Variants in DOK6 observed in about 807,000 individuals in gnomAD.
The protein encoded by DOK6 is docking protein 6, also known as downstream of tyrosine kinase 6.
In DOK6, 22 loss-of-function variants were observed where a neutral mutation model predicts 44.0. The observed-to-expected ratio is 0.50, with a 90% CI of 0.36 to 0.71. DOK6 has a LOEUF of 0.71. Ranked by LOEUF, DOK6 falls within the 30% of genes least tolerant of loss-of-function variation. The pLI is 0.00. For missense variants in DOK6, 340 were observed against 416.4 expected (o/e 0.82, Z 1.60); for synonymous variants, 166 against 145.5 (o/e 1.14, Z -1.01).
chr18:69,591,129 C>T (rs1262940210), intron 2 of DOK6, among the ~76,000 whole-genome samples: 1 of 152,136 alleles, frequency 6.6e-6, no homozygotes. Flanking sequence ...CACAAATAAA[C>T]ATGCCAATTT....
intron 1 of DOK6, among the ~76,000 whole-genome samples, chr18:69,500,516 T>G (rs886521298): frequency 6.6e-6 from 1 of 152,066 alleles, no homozygotes; most frequent in Non-Finnish European, 1.5e-5. Flanking sequence ...GAATATAATC[T>G]CCATGAAAAC....
intron 1 of DOK6, among the ~76,000 whole-genome samples, chr18:69,493,733 A>G (rs1322201775): frequency 1.3e-5 from 2 of 152,222 alleles, no homozygotes; most frequent in African/African-American, 2.4e-5. Context: ...TTTACAAATA[A>G]TAGAAAATTA....
chr18:69,683,220 T>C (rs1003929542), intron 4 of DOK6, among the ~76,000 whole-genome samples: 1 of 151,844 alleles, frequency 6.6e-6, no homozygotes, highest in African/African-American at 2.4e-5. Flanking sequence ...ACGCCATTCA[T>C]ATGCTCTAGT....
intron 1 of DOK6, among the ~76,000 whole-genome samples, chr18:69,407,639 A>T (rs968683330): frequency 1.3e-5 from 2 of 152,224 alleles, no homozygotes; most frequent in Non-Finnish European, 1.5e-5. Context: ...CTATTACTCA[A>T]TGAGAATATT....
intron 1 of DOK6, among the ~76,000 whole-genome samples, chr18:69,518,722 C>A (rs1211995578): frequency 2.0e-5 from 3 of 151,980 alleles, no homozygotes; most frequent in Non-Finnish European, 2.9e-5. Context: ...AAAGAAAAAT[C>A]TTTAAAAACA....
At chr18:69,757,908 A>C (rs995831598) in intron 7 of DOK6, 35 bp downstream of exon 7, 15 of 1,554,470 alleles carry the variant, frequency 9.6e-6, no homozygotes, top group African/African-American at 1.4e-5. Flanking sequence ...CAGTGCCTCC[A>C]TAAGCTTCCT....
At chr18:69,643,329 C>T (rs765207849) in intron 3 of DOK6, among the ~76,000 whole-genome samples, 11 of 152,154 alleles carry the variant, frequency 7.2e-5, no homozygotes, top group Admixed American at 2.6e-4. Context: ...TTTTTATCAC[C>T]TGGTCCGTTT....
intron 3 of DOK6, among the ~76,000 whole-genome samples, chr18:69,672,707 A>AGGG (rs577008877): frequency 4.1e-4 from 30 of 73,696 alleles, no homozygotes; most frequent in South Asian, 8.5e-4. Context: ...AAAAAAAAAA[A>AGGG]GGGGGGGGTG....
At chr18:69,475,323 G>A (rs1421531125) in intron 1 of DOK6, among the ~76,000 whole-genome samples, 2 of 152,164 alleles carry the variant, frequency 1.3e-5, no homozygotes, top group East Asian at 3.9e-4. Flanking sequence ...CAGTAACACT[G>A]AGTATTAGGA....
At chr18:69,644,393 A>T (rs1375991985) in intron 3 of DOK6, among the ~76,000 whole-genome samples, 1 of 151,856 alleles carries the variant, frequency 6.6e-6, no homozygotes, top group African/African-American at 2.4e-5. Context: ...ACAGTTTTTC[A>T]TTTTGCTCTT....
rs554060794 is a variant in DOK6 at position 69,814,339 on chromosome 18, G to A, written c.857-26905G>A. On this transcript the variant is annotated intron_variant, in intron 7 of 7. Coordinates refer to ENST00000382713, the MANE Select transcript of DOK6 (RefSeq NM_152721.6). ...TCAGGCTATGTTGGCCCTGAGTGAG[G>A]TGAGGGAGGCAAAGTGTGTTGCCAT... Among the ~76,000 whole-genome samples the A allele has an allele frequency of 2.6e-5, 4 of 152,256 alleles. No individual in the cohort carries two copies. In the South Asian group the frequency reaches 8.3e-4, roughly 32 times the overall value.
chr18:69,515,581 C>T (rs12969275), intron 1 of DOK6, among the ~76,000 whole-genome samples: 56,054 of 151,920 alleles, frequency 0.37, 10,890 homozygotes, highest in South Asian at 0.45. Context: ...TGCTACAGCT[C>T]AGAAGAAACA....
intron 1 of DOK6, among the ~76,000 whole-genome samples, chr18:69,463,995 A>G (rs1979859422): frequency 6.6e-6 from 1 of 152,118 alleles, no homozygotes; most frequent in African/African-American, 2.4e-5. Flanking sequence ...TGTTACTTAA[A>G]TTGCTCCCTC....
At chr18:69,557,805 A>G (rs1310009766) in intron 1 of DOK6, among the ~76,000 whole-genome samples, 2 of 152,158 alleles carry the variant, frequency 1.3e-5, no homozygotes, top group African/African-American at 4.8e-5. Context: ...AAGGAATGTC[A>G]TCTGCCGTAA....
chr18:69,428,767 A>G (rs1316253800), intron 1 of DOK6, among the ~76,000 whole-genome samples: 1 of 152,224 alleles, frequency 6.6e-6, no homozygotes, highest in African/African-American at 2.4e-5. Context: ...ATAAACTCTA[A>G]TAAATTTTTA....
chr18:69,527,250 G>T (rs1460249611), intron 1 of DOK6, among the ~76,000 whole-genome samples: 1 of 152,116 alleles, frequency 6.6e-6, no homozygotes, highest in Non-Finnish European at 1.5e-5. Flanking sequence ...ATGTGTATTA[G>T]TCCATTATCA....
chr18:69,756,755 G>A (rs189321515), intron 6 of DOK6, among the ~76,000 whole-genome samples: 15 of 152,262 alleles, frequency 9.9e-5, no homozygotes, highest in African/African-American at 1.4e-4. Context: ...CAGGTGCACC[G>A]TGGGAGGTAC....
intron 1 of DOK6, among the ~76,000 whole-genome samples, chr18:69,503,088 T>C (rs545836044): frequency 1.3e-5 from 2 of 152,262 alleles, no homozygotes; most frequent in South Asian, 2.1e-4. Flanking sequence ...GAAATATCCT[T>C]GCATTTTCAA....
intron 1 of DOK6, among the ~76,000 whole-genome samples, chr18:69,446,556 C>A (rs189820351): frequency 1.7e-3 from 254 of 152,134 alleles, no homozygotes; most frequent in African/African-American, 5.5e-3. Flanking sequence ...ATTTATAATC[C>A]TTTGGGTATA....
Sources: allele counts gnomAD v4.1 joint callset (sites outside exome capture counted in the v4.1 genomes callset), GRCh38; gene constraint gnomAD v4.1.1; transcripts MANE v1.5; gene names NCBI Gene and HGNC (gene_info 2026-07-23, HGNC 2026-07-21).